HEATR4: variants seen among roughly 807,000 people sequenced by gnomAD.
HEATR4 encodes the protein HEAT repeat-containing protein 4.
Under a neutral mutation model 108.8 loss-of-function variants are expected in HEATR4, and 95 were observed. The observed-to-expected ratio is 0.87, with a 90% CI of 0.74 to 1.04. The LOEUF (loss-of-function observed/expected upper bound fraction) is 1.04. HEATR4 is among the 50% of genes least tolerant of loss of function. The pLI, the probability that HEATR4 is intolerant of heterozygous loss-of-function variation, is 0.00. For synonymous variants in HEATR4, 443 were observed against 459.4 expected (o/e 0.96, Z 0.46); for missense variants, 1,152 against 1,253.8 (o/e 0.92, Z 1.23).
In HEATR4 at chr14:73,538,483, G is replaced by T. The variant is rs572466214; in HGVS notation, c.-151-8239C>A. On this transcript the variant is annotated intron_variant, in intron 1 of 17. Transcript: ENST00000553558. The stretch of plus-strand genomic sequence containing the variant: ...AAAAAATTAGCCGGGCGTGGTAGCG[G>T]GCGCCTGTCGTCCCAGCTACTCGGG... 3.6e-5 allele frequency among the ~76,000 whole-genome samples: 4 copies of T among 111,774 alleles called. No individual in the cohort carries two copies. In the South Asian group the frequency reaches 1.1e-3, roughly 32 times the overall value. The allele number at this position is 111,774 out of a possible 152,430, so 73.3% of individuals were successfully genotyped here. A position where few individuals can be genotyped will look rare whatever the true frequency, so the allele number is the denominator to read the frequency against.
chr14:73,537,565 C>T (rs1888904542), intron 1 of HEATR4: 2 of 1,214,400 alleles, frequency 1.6e-6, no homozygotes, highest in Non-Finnish European at 2.2e-6. Flanking sequence ...TTTTCCAGGC[C>T]CACGCGCGCT....
chr14:73,628,410 A>G, the HEATR4 span, among the ~76,000 whole-genome samples: 2 of 151,952 alleles, frequency 1.3e-5, no homozygotes, highest in Non-Finnish European at 2.9e-5. Flanking sequence ...CCAAAATACT[A>G]GGATTACAGG....
chr14:73,575,838 T>C, the HEATR4 span, among the ~76,000 whole-genome samples: 1 of 151,508 alleles, frequency 6.6e-6, no homozygotes, highest in African/African-American at 2.4e-5. Flanking sequence ...GTAAATGGAG[T>C]TCAATAATTA....
At position 73,556,437 on chromosome 14, in the gene HEATR4, A is replaced by C. The variant is rs569704925; in HGVS notation, c.-152+2314T>G. Among the ~76,000 whole-genome samples the C allele has an allele frequency of 2.6e-5, 3 of 113,236 alleles. 1 individual carries two copies. Among genetic ancestry groups the C allele is most frequent in the African/African-American group, 8.6e-5 (3 of 35,074 alleles). 74.3% of individuals were successfully genotyped at this position (113,236 alleles called of 152,430 possible). Reference sequence around the variant, plus strand: ...TGAAACTTCTTCTCAAAAAAAAAAAACAAAAAAAACTTAAGGAATAGTTAT... The same window carrying C: ...TGAAACTTCTTCTCAAAAAAAAAAACCAAAAAAAACTTAAGGAATAGTTAT... On this transcript the variant is annotated intron_variant, in intron 1 of 17. Transcript: ENST00000553558.
At chr14:73,564,233 G>A in the HEATR4 span, among the ~76,000 whole-genome samples, 1 of 151,562 alleles carries the variant, frequency 6.6e-6, no homozygotes, top group African/African-American at 2.4e-5. Flanking sequence ...GGGAGCCAGA[G>A]GTTGCAGTGA....
At chr14:73,592,224 C>T in the HEATR4 span, 8 of 1,612,968 alleles carry the variant, frequency 5.0e-6, no homozygotes, top group East Asian at 6.7e-5. Flanking sequence ...ACCCGAGAAG[C>T]CTTTTTGGCG....
chr14:73,605,813 T>C, the HEATR4 span, among the ~76,000 whole-genome samples: 2,919 of 152,030 alleles, frequency 0.019, 95 homozygotes, highest in African/African-American at 0.066. Context: ...TCAGGTGATC[T>C]ACCCACCTTG....
intron 2 of HEATR4, among the ~76,000 whole-genome samples, chr14:73,524,184 T>C (rs1205500210): frequency 6.7e-6 from 1 of 149,638 alleles, no homozygotes; most frequent in Non-Finnish European, 1.5e-5. Context: ...CCCAGCTACT[T>C]GGGAGATTGA....
rs779334002 is a variant in HEATR4 at position 73,520,944 on chromosome 14, G to A, written c.977C>T (p.Pro326Leu). The A allele has an allele frequency of 6.2e-7, 1 of 1,613,976 alleles. No homozygotes were observed. Among genetic ancestry groups the A allele is most frequent in the East Asian group, 2.2e-5 (1 of 44,854 alleles). ...CTGGCGAAAGTAGCTCTGGGTTTGG[G>A]GCTGGGAGAGGCTCGTCTTTTCATG... ...DIHEKTSLSQ[P>L]QTQSYFRQVT... Residue 326 changes from proline to leucine, a missense_variant, in exon 4 of 18, where the codon CCC (proline) becomes CTC (leucine). Physicochemically the swap from Pro to Leu is moderately conservative, Grantham distance 98. Transcript: ENST00000553558.
intron 2 of HEATR4, 120 bp downstream of exon 2, chr14:73,530,046 C>T (rs1888611625): frequency 7.3e-6 from 1 of 137,348 alleles, no homozygotes; most frequent in African/African-American, 2.6e-5. Flanking sequence ...TCACTGCAGC[C>T]TTGCCTCCCA....
At chr14:73,591,041 G>C in the HEATR4 span, among the ~76,000 whole-genome samples, 1 of 152,138 alleles carries the variant, frequency 6.6e-6, no homozygotes, top group Admixed American at 6.5e-5. Context: ...TCAGGAGTTC[G>C]AGACCAGCCT....
intron 6 of HEATR4, among the ~76,000 whole-genome samples, chr14:73,513,728 CAAAAAAAAAAAAA>C (rs747778891): frequency 0.024 from 1,128 of 46,826 alleles, 34 homozygotes; most frequent in African/African-American, 0.079. Context: ...ACTACGTCTC[CAAAAAAAAAAAAA>C]AAAAAAAAAA....
Position 73,492,700 on chromosome 14 carries a change from G to C in HEATR4, c.2844+366C>G. 1 of 1,613,980 alleles carries C rather than the reference G, an allele frequency of 6.2e-7. No homozygotes were observed. The highest frequency in any genetic ancestry group is 8.5e-7 in the Non-Finnish European group (1 of 1,179,888). On this transcript the variant is annotated intron_variant, in intron 17 of 17. Transcript: ENST00000553558. The surrounding 1 kb of genome is among the most constrained non-coding windows in gnomAD (Gnocchi z 4.9). ...ATGGGATAGCTCGGCTGGTGGGTGA[G>C]GGGGGCCATTTGTTTCTCTATTACA... is the stretch of plus-strand genomic sequence containing the variant.
the HEATR4 span, chr14:73,571,292 C>T: frequency 1.2e-5 from 2 of 162,140 alleles, no homozygotes; most frequent in East Asian, 1.8e-4. Flanking sequence ...AGCAAGTCCC[C>T]AAAGACCACG....
At chr14:73,561,206 A>C (rs1273967472), upstream of HEATR4, among the ~76,000 whole-genome samples, 3 of 151,752 alleles carry the variant, frequency 2.0e-5, 1 homozygote, top group Non-Finnish European at 4.4e-5. Context: ...TCTCTACTAA[A>C]AATACAAAAA....
chr14:73,611,207 T>C, the HEATR4 span, among the ~76,000 whole-genome samples: 2 of 152,350 alleles, frequency 1.3e-5, no homozygotes, highest in East Asian at 3.9e-4. Context: ...CATCACTATA[T>C]GCTCTTCTTC....
At position 73,484,472 on chromosome 14, in the gene HEATR4, G is replaced by A. The variant is rs559433047; in HGVS notation, c.2845-5630C>T. Among the ~76,000 whole-genome samples, 8 of 152,082 alleles carry A rather than the reference G, an allele frequency of 5.3e-5. No homozygotes were observed. The South Asian group carries it at 6.2e-4, about 12-fold the overall frequency. Reference sequence around the variant, plus strand: ...TGGCTCACTGCAACCTCTGTCTCCCGCATTCAAGCAATTCTGGTGCCTCAG... The same window carrying A: ...TGGCTCACTGCAACCTCTGTCTCCCACATTCAAGCAATTCTGGTGCCTCAG... On this transcript the variant is annotated intron_variant, in intron 17 of 17. Coordinates refer to ENST00000553558, the MANE Select transcript of HEATR4 (RefSeq NM_001220484.1).
At chr14:73,515,063 G>A (rs1406329427) in intron 5 of HEATR4, among the ~76,000 whole-genome samples, 4 of 131,352 alleles carry the variant, frequency 3.0e-5, no homozygotes, top group African/African-American at 1.3e-4. Context: ...GTGAGACTCC[G>A]TTCTCAAAAA....
At chr14:73,503,445 G>A (rs1356832379) in intron 10 of HEATR4, among the ~76,000 whole-genome samples, 2 of 152,108 alleles carry the variant, frequency 1.3e-5, no homozygotes, top group Non-Finnish European at 2.9e-5. Context: ...CAGAACAGTT[G>A]GTCACTCTAT....
Sources: gnomAD v4.1 joint callset for allele counts (sites outside exome capture counted in the v4.1 genomes callset) on GRCh38, gnomAD v4.1.1 for gene constraint, Gnocchi (gnomAD v3.1) non-coding constraint, MANE v1.5 for transcripts, NCBI Gene and HGNC (gene_info 2026-07-23, HGNC 2026-07-21) for gene names.